Variants in AGMO observed in about 807,000 individuals in gnomAD.
The protein encoded by AGMO is alkylglycerol monooxygenase, also known as glyceryl-ether monooxygenase.
AGMO carries 75 observed loss-of-function variants against 60.2 expected under a neutral mutation model. That is an observed-to-expected ratio of 1.25 (90% CI 1.03 to 1.51). AGMO has a LOEUF of 1.51. Ranked by LOEUF, AGMO falls within the 40% of genes most tolerant of loss-of-function variation. AGMO has a pLI of 0.00. For synonymous variants in AGMO, 261 were observed against 177.1 expected (o/e 1.47, Z -3.76); for missense variants, 763 against 525.5 (o/e 1.45, Z -4.42).
At chr7:15,338,701 T>A (rs1167361261) in intron 12 of AGMO, among the ~76,000 whole-genome samples, 1 of 152,148 alleles carries the variant, frequency 6.6e-6, no homozygotes, top group Non-Finnish European at 1.5e-5. Flanking sequence ...GCTAGTTGAA[T>A]TTACTCCCAA....
At chr7:15,150,797 TATCAGAATGATGCTGGCCTC>T in the AGMO span, among the ~76,000 whole-genome samples, 1 of 152,146 alleles carries the variant, frequency 6.6e-6, no homozygotes, top group Non-Finnish European at 1.5e-5. Context: ...GTTTTGTTAG[TATCAGAATGATGCTGGCCTC>T]ATCAGAATGA....
chr7:15,376,285 C>G (rs1239433884), intron 10 of AGMO, among the ~76,000 whole-genome samples: 3 of 151,928 alleles, frequency 2.0e-5, no homozygotes, highest in Non-Finnish European at 2.9e-5. Context: ...ATACCCTGGA[C>G]ATTGACTTGA....
intron 12 of AGMO, among the ~76,000 whole-genome samples, chr7:15,344,348 T>G (rs1352571139): frequency 6.6e-6 from 1 of 152,230 alleles, no homozygotes; most frequent in Non-Finnish European, 1.5e-5. Context: ...CAGGACTAAT[T>G]GTTTTCAATG....
intron 12 of AGMO, among the ~76,000 whole-genome samples, chr7:15,356,832 T>C (rs1033000956): frequency 2.0e-5 from 3 of 151,394 alleles, no homozygotes; most frequent in African/African-American, 7.3e-5. Context: ...TAGGGCCCGG[T>C]TGCAGTGGCT....
At chr7:15,376,108 A>G (rs1390670579) in intron 10 of AGMO, among the ~76,000 whole-genome samples, 2 of 152,220 alleles carry the variant, frequency 1.3e-5, no homozygotes, top group African/African-American at 4.8e-5. Context: ...TTTTGTTAAT[A>G]GTCTTCCGTT....
At position 15,493,362 on chromosome 7, in the gene AGMO, C is replaced by CACCCACAT. The variant is rs71004386; in HGVS notation, c.409+51409_409+51410insATGTGGGT. Reference sequence around the variant, plus strand: ...ACACACACACACACACACACACACACTTCTTTTTTTTTTTTTTTTTTTTTT... The same window carrying CACCCACAT: ...ACACACACACACACACACACACACACACCCACATTTCTTTTTTTTTTTTTTTTTTTTTT... On this transcript the variant is annotated intron_variant, in intron 3 of 12. Transcript: ENST00000342526. Among the ~76,000 whole-genome samples the CACCCACAT allele has an allele frequency of 8.8e-5, 9 of 102,264 alleles. 3 individuals carry two copies. Among genetic ancestry groups the CACCCACAT allele is most frequent in the East Asian group, 6.1e-4 (2 of 3,302 alleles). The allele number at this position is 102,264 out of a possible 152,430, so 67.1% of individuals were successfully genotyped here.
chr7:15,506,224 T>C (rs1417056450), intron 3 of AGMO, among the ~76,000 whole-genome samples: 1 of 152,060 alleles, frequency 6.6e-6, no homozygotes, highest in Non-Finnish European at 1.5e-5. Flanking sequence ...ATTTACTCTG[T>C]GCCAGAAACT....
chr7:15,246,222 C>A (rs73279634), intron 12 of AGMO, among the ~76,000 whole-genome samples: 5,244 of 152,026 alleles, frequency 0.034, 319 homozygotes, highest in African/African-American at 0.12. Flanking sequence ...ATAATAGCTT[C>A]AAGTGGTTAA....
intron 10 of AGMO, among the ~76,000 whole-genome samples, chr7:15,379,643 G>C (rs1333618262): frequency 6.6e-6 from 1 of 152,090 alleles, no homozygotes; most frequent in African/African-American, 2.4e-5. Flanking sequence ...CCCAGCACCA[G>C]ACAGATTCAC....
intron 12 of AGMO, among the ~76,000 whole-genome samples, chr7:15,323,353 G>T (rs1484348510): frequency 2.0e-5 from 3 of 152,014 alleles, no homozygotes; most frequent in Non-Finnish European, 4.4e-5. Context: ...TGATATAAAA[G>T]AATTGGAAGA....
chr7:15,147,233 C>A, the AGMO span, among the ~76,000 whole-genome samples: 1 of 152,132 alleles, frequency 6.6e-6, no homozygotes, highest in East Asian at 1.9e-4. Flanking sequence ...GGAAATTGTA[C>A]CCTGTATTAG....
At chr7:15,269,381 C>G (rs114451044) in intron 12 of AGMO, among the ~76,000 whole-genome samples, 3,378 of 151,968 alleles carry the variant, frequency 0.022, 123 homozygotes, top group African/African-American at 0.078. Context: ...AGTAAAAAGG[C>G]AAGTGAGCAC....
chr7:15,231,349 T>A (rs1279787072), intron 12 of AGMO, among the ~76,000 whole-genome samples: 1 of 152,168 alleles, frequency 6.6e-6, no homozygotes, highest in Admixed American at 6.5e-5. Flanking sequence ...CTTCTATACT[T>A]ATCTCTCACT....
chr7:15,561,304 C>A (rs1328973063), intron 1 of AGMO, among the ~76,000 whole-genome samples: 3 of 152,136 alleles, frequency 2.0e-5, no homozygotes, highest in Non-Finnish European at 2.9e-5. Context: ...CTTCATTCTG[C>A]TGAACTACTC....
intron 3 of AGMO, among the ~76,000 whole-genome samples, chr7:15,481,789 A>ATTTTTTTTTTTTTTTT (rs5882513): frequency 2.0e-5 from 2 of 98,706 alleles, no homozygotes; most frequent in African/African-American, 3.7e-5. Flanking sequence ...GACTAAATGT[A>ATTTTTTTTTTTTTTTT]TTTTTTTTTT....
In AGMO at chr7:15,505,172, T is replaced by C. The variant is rs116114130; in HGVS notation, c.409+39600A>G. Reference sequence around the variant, plus strand: ...TACTACATTTTTTCATGTAGTGATATACGAATAGATGGAATTACTACATTG... The same window carrying C: ...TACTACATTTTTTCATGTAGTGATACACGAATAGATGGAATTACTACATTG... On this transcript the variant is annotated intron_variant, in intron 3 of 12. Transcript: ENST00000342526. Among the ~76,000 whole-genome samples, 1,124 of 152,092 alleles carry C rather than the reference T, an allele frequency of 7.4e-3. 5 individuals carry two copies. The highest frequency in any genetic ancestry group is 0.025 in the African/African-American group (1,043 of 41,516).
chr7:15,510,253 C>T (rs534548499), intron 3 of AGMO, among the ~76,000 whole-genome samples: 4 of 152,078 alleles, frequency 2.6e-5, no homozygotes, highest in Non-Finnish European at 5.9e-5. Flanking sequence ...GCAGCCTCCA[C>T]CTCCGAGGCT....
At chr7:15,344,283 T>C (rs1447143618) in intron 12 of AGMO, among the ~76,000 whole-genome samples, 1 of 152,206 alleles carries the variant, frequency 6.6e-6, no homozygotes, top group African/African-American at 2.4e-5. Context: ...TTTAGTCTTT[T>C]CTCCAAAAAG....
the AGMO span, among the ~76,000 whole-genome samples, chr7:15,176,945 C>A: frequency 6.6e-6 from 1 of 151,904 alleles, no homozygotes; most frequent in Non-Finnish European, 1.5e-5. Flanking sequence ...TATGACTTAC[C>A]ACTGCTTAAT....
Sources: allele counts gnomAD v4.1 joint callset (sites outside exome capture counted in the v4.1 genomes callset), GRCh38; gene constraint gnomAD v4.1.1; transcripts MANE v1.5; gene names NCBI Gene and HGNC (gene_info 2026-07-23, HGNC 2026-07-21).